The following ABCA13 variants were observed in gnomAD, a reference collection of about 807,000 sequenced individuals.
The protein encoded by ABCA13 is ATP binding cassette subfamily A member 13, also known as ATP-binding cassette sub-family A member 13.
ABCA13 carries 476 observed loss-of-function variants against 478.7 expected under a neutral mutation model. That is an observed-to-expected ratio of 0.99 (90% CI 0.92 to 1.07). The LOEUF is 1.07. ABCA13 is among the 50% of genes least tolerant of loss of function. The probability of loss-of-function intolerance (pLI) is 0.00; values close to 1 mark genes in which losing one functional copy is unlikely to be tolerated. For missense variants in ABCA13, 6,060 were observed against 5,910.6 expected (o/e 1.03, Z -0.83); for synonymous variants, 2,252 against 2,158.9 (o/e 1.04, Z -1.20).
intron 53 of ABCA13, among the ~76,000 whole-genome samples, chr7:48,521,067 A>ACACACATGCG (rs1318932393): frequency 5.3e-5 from 8 of 150,308 alleles, no homozygotes; most frequent in Non-Finnish European, 1.2e-4. Context: ...ACATGCATGC[A>ACACACATGCG]CACACATGCA....
At chr7:48,602,495 G>C (rs1309328248) in intron 58 of ABCA13, among the ~76,000 whole-genome samples, 1 of 152,094 alleles carries the variant, frequency 6.6e-6, no homozygotes, top group Admixed American at 6.5e-5. Flanking sequence ...TTTCCCCATT[G>C]CTTGTTTTTG....
At chr7:48,357,084 G>A (rs755635242) in intron 31 of ABCA13, among the ~76,000 whole-genome samples, 10 of 151,826 alleles carry the variant, frequency 6.6e-5, no homozygotes, top group Non-Finnish European at 1.0e-4. Context: ...CCCGTGAGGC[G>A]TTGCATCTGG....
At chr7:48,621,452 C>G (rs985375493) in intron 59 of ABCA13, among the ~76,000 whole-genome samples, 1 of 152,138 alleles carries the variant, frequency 6.6e-6, no homozygotes, top group African/African-American at 2.4e-5. Flanking sequence ...GACAACCAGT[C>G]CAGTCCTGGA....
intron 55 of ABCA13, among the ~76,000 whole-genome samples, chr7:48,557,585 T>C (rs1785972334): frequency 6.6e-6 from 1 of 152,206 alleles, no homozygotes; most frequent in African/African-American, 2.4e-5. Context: ...AGCTTCATTG[T>C]ATGTTATTTG....
At chr7:48,637,793 G>A (rs1436577697) in intron 59 of ABCA13, among the ~76,000 whole-genome samples, 3 of 152,132 alleles carry the variant, frequency 2.0e-5, no homozygotes, top group Non-Finnish European at 4.4e-5. Flanking sequence ...AAAAACAATA[G>A]ATATGCATTT....
At chr7:48,344,454 G>A (rs747313537) in intron 29 of ABCA13, among the ~76,000 whole-genome samples, 2 of 152,188 alleles carry the variant, frequency 1.3e-5, no homozygotes, top group Non-Finnish European at 2.9e-5. Flanking sequence ...GGGGTCCTCA[G>A]GTATATACAC....
chr7:48,291,048 T>A (rs1409099707), intron 20 of ABCA13, among the ~76,000 whole-genome samples: 1 of 149,824 alleles, frequency 6.7e-6, no homozygotes, highest in Non-Finnish European at 1.5e-5. Flanking sequence ...TAGCTTGGAG[T>A]CTTGAGGCTG....
chr7:48,224,848 G>A (rs958293346), intron 5 of ABCA13, among the ~76,000 whole-genome samples: 3 of 152,034 alleles, frequency 2.0e-5, no homozygotes, highest in East Asian at 1.9e-4. Flanking sequence ...AGTTTTAATC[G>A]CTGCAGCATT....
At chr7:48,191,782 A>T (rs1003847171) in intron 1 of ABCA13, among the ~76,000 whole-genome samples, 1 of 152,280 alleles carries the variant, frequency 6.6e-6, no homozygotes, top group South Asian at 2.1e-4. Context: ...TTTTGTCTTC[A>T]TGGCTTTAGG....
At chr7:48,222,074 A>G (rs1314469444) in intron 5 of ABCA13, among the ~76,000 whole-genome samples, 1 of 152,224 alleles carries the variant, frequency 6.6e-6, no homozygotes, top group Non-Finnish European at 1.5e-5. Context: ...CCATAAAACC[A>G]TTAGGAGAAA....
At chr7:48,470,316 G>A (rs903479783) in intron 44 of ABCA13, among the ~76,000 whole-genome samples, 1 of 152,150 alleles carries the variant, frequency 6.6e-6, no homozygotes, top group Non-Finnish European at 1.5e-5. Flanking sequence ...ATAAAAGGGA[G>A]CTAGGAGAAG....
chr7:48,407,113 A>T (rs780990572), intron 39 of ABCA13, among the ~76,000 whole-genome samples: 4 of 152,082 alleles, frequency 2.6e-5, no homozygotes, highest in Non-Finnish European at 5.9e-5. Context: ...TGATGTTTTG[A>T]TACACTGTTG....
At chr7:48,548,207 T>A (rs1406597966) in intron 55 of ABCA13, among the ~76,000 whole-genome samples, 1 of 151,974 alleles carries the variant, frequency 6.6e-6, no homozygotes, top group East Asian at 1.9e-4. Context: ...TAGGAATACA[T>A]ATATTTCTAT....
intron 1 of ABCA13, among the ~76,000 whole-genome samples, chr7:48,176,324 G>C (rs979087867): frequency 6.6e-6 from 1 of 152,102 alleles, no homozygotes; most frequent in Non-Finnish European, 1.5e-5. Context: ...AGTTTAATAC[G>C]AGGACATCAA....
intron 55 of ABCA13, among the ~76,000 whole-genome samples, chr7:48,555,093 T>C (rs2131220476): frequency 6.6e-6 from 1 of 152,042 alleles, no homozygotes; most frequent in South Asian, 2.1e-4. Flanking sequence ...GAAATGATTA[T>C]ATGGTGTTTA....
chr7:48,556,154 T>G (rs1236869079), intron 55 of ABCA13, among the ~76,000 whole-genome samples: 1 of 151,950 alleles, frequency 6.6e-6, no homozygotes, highest in Admixed American at 6.6e-5. Context: ...TATTCTCTTG[T>G]GGTCAGGGAA....
At position 48,328,825 on chromosome 7, in the gene ABCA13, G is replaced by A. The variant is rs180757473; in HGVS notation, c.10000-6597G>A. ...AGAGAAATGCAAATCCCCAAAATGA[G>A]ATATCCACAAATGAGATATCATATC... On this transcript the variant is annotated intron_variant, in intron 27 of 61. Transcript: ENST00000435803. Among the ~76,000 whole-genome samples, 21 of 152,184 alleles carry A rather than the reference G, an allele frequency of 1.4e-4. No homozygotes were observed. In the East Asian group the frequency reaches 4.1e-3, roughly 29 times the overall value.
intron 3 of ABCA13, among the ~76,000 whole-genome samples, chr7:48,215,799 C>G (rs971001926): frequency 2.0e-5 from 3 of 152,220 alleles, no homozygotes; most frequent in Non-Finnish European, 4.4e-5. Flanking sequence ...AACTAAACTA[C>G]TTTCTGTCTC....
chr7:48,618,852 A>G (rs893083423), intron 59 of ABCA13, among the ~76,000 whole-genome samples: 4 of 152,072 alleles, frequency 2.6e-5, no homozygotes, highest in Admixed American at 2.6e-4. Context: ...TGAAAAAGTG[A>G]ATTTATTTGC....
Sources: gnomAD v4.1 joint callset for allele counts (sites outside exome capture counted in the v4.1 genomes callset) on GRCh38, gnomAD v4.1.1 for gene constraint, MANE v1.5 for transcripts, NCBI Gene and HGNC (gene_info 2026-07-23, HGNC 2026-07-21) for gene names.